Variants in CTNNA3 observed in about 807,000 individuals in gnomAD.
The protein encoded by CTNNA3 is catenin alpha 3.
A neutral mutation model predicts 95.7 loss-of-function variants in CTNNA3; 76 were observed. That is an observed-to-expected ratio of 0.79 (90% CI 0.66 to 0.96). CTNNA3 has a LOEUF of 0.96. Among genes scored for constraint, CTNNA3 ranks in the 40% least tolerant of loss-of-function variants. The pLI, the probability that CTNNA3 is intolerant of heterozygous loss-of-function variation, is 0.00. For missense variants in CTNNA3, 1,191 were observed against 1,089.8 expected, an observed-to-expected ratio of 1.09 and a Z score of -1.31; for synonymous variants, 431 against 374.4, an observed-to-expected ratio of 1.15 and a Z score of -1.74.
chr10:67,452,416 C>A (rs1431051969), intron 5 of CTNNA3, among the ~76,000 whole-genome samples: 1 of 152,030 alleles, frequency 6.6e-6, no homozygotes, highest in Non-Finnish European at 1.5e-5. Flanking sequence ...CCAATGGTAC[C>A]TAACATCTAA....
chr10:67,006,573 T>C (rs76881749), intron 7 of CTNNA3, among the ~76,000 whole-genome samples: 12,806 of 152,200 alleles, frequency 0.084, 765 homozygotes, highest in South Asian at 0.27. Flanking sequence ...CCTGCTAAAG[T>C]AGAAGTCTCA....
intron 9 of CTNNA3, among the ~76,000 whole-genome samples, chr10:66,645,549 T>A (rs948246099): frequency 6.6e-6 from 1 of 152,096 alleles, no homozygotes; most frequent in Non-Finnish European, 1.5e-5. Flanking sequence ...TATTTATGGG[T>A]CCCCTATTCC....
intron 5 of CTNNA3, among the ~76,000 whole-genome samples, chr10:67,495,030 A>T (rs893257371): frequency 1.3e-5 from 2 of 152,214 alleles, no homozygotes; most frequent in Non-Finnish European, 2.9e-5. Flanking sequence ...TTCATCATTG[A>T]TATGAAATTC....
rs2077019895 is a variant in CTNNA3, at chr10:65,917,362, C to T, written c.*2968G>A. On this transcript the variant is annotated 3_prime_UTR_variant, in exon 18 of 18. Coordinates refer to ENST00000433211, the MANE Select transcript of CTNNA3 (RefSeq NM_013266.4). ...TTTTACTTCAATAATTTTAATTTGT[C>T]ATAAATTAAAGGGAATGATTTCTAT... 6.6e-6 allele frequency: 1 copy of T among 151,826 alleles called. No individual in the cohort carries two copies. 9.4% of individuals were successfully genotyped at this position (151,826 alleles called of 1,614,324 possible).
At chr10:66,396,982 A>G (rs2092983180) in intron 11 of CTNNA3, among the ~76,000 whole-genome samples, 1 of 151,800 alleles carries the variant, frequency 6.6e-6, no homozygotes, top group African/African-American at 2.4e-5. Context: ...GATGCTTATG[A>G]CATAATTTTA....
At chr10:66,231,572 T>G (rs1346499142) in intron 13 of CTNNA3, among the ~76,000 whole-genome samples, 1 of 152,206 alleles carries the variant, frequency 6.6e-6, no homozygotes, top group Non-Finnish European at 1.5e-5. Flanking sequence ...TTTTCCCTCA[T>G]TATACACTAA....
intron 11 of CTNNA3, among the ~76,000 whole-genome samples, chr10:66,497,785 A>G (rs1479496822): frequency 1.3e-5 from 2 of 152,112 alleles, no homozygotes; most frequent in Non-Finnish European, 2.9e-5. Flanking sequence ...CAAATAAAAT[A>G]ATTCTCCACC....
At chr10:67,523,780 T>A (rs552903882) in intron 4 of CTNNA3, among the ~76,000 whole-genome samples, 45 of 152,326 alleles carry the variant, frequency 3.0e-4, no homozygotes, top group Admixed American at 2.4e-3. Flanking sequence ...CCTTTCAACA[T>A]AATTTTAATG....
intron 7 of CTNNA3, among the ~76,000 whole-genome samples, chr10:66,912,489 C>T (rs987773767): frequency 4.6e-5 from 7 of 151,838 alleles, no homozygotes; most frequent in Admixed American, 2.6e-4. Context: ...ACATTGGGCT[C>T]AGGAAAATTA....
chr10:66,480,472 G>T (rs574358166), intron 11 of CTNNA3, among the ~76,000 whole-genome samples: 2 of 151,822 alleles, frequency 1.3e-5, no homozygotes, highest in Non-Finnish European at 2.9e-5. Context: ...TATTTAACTA[G>T]TCATTTATTC....
At chr10:66,866,993 T>C (rs974757737) in intron 7 of CTNNA3, among the ~76,000 whole-genome samples, 4 of 152,128 alleles carry the variant, frequency 2.6e-5, no homozygotes, top group African/African-American at 9.7e-5. Context: ...GATGGTTTTA[T>C]AAGGGGTTTC....
chr10:66,591,391 G>A (rs1031565938), intron 10 of CTNNA3, among the ~76,000 whole-genome samples: 1 of 152,120 alleles, frequency 6.6e-6, no homozygotes, highest in African/African-American at 2.4e-5. Context: ...TGGTCTATCA[G>A]TGCAATTACA....
intron 11 of CTNNA3, among the ~76,000 whole-genome samples, chr10:66,513,849 C>A (rs12252822): frequency 0.032 from 4,812 of 152,174 alleles, 247 homozygotes; most frequent in African/African-American, 0.11. Context: ...GCAGGACTGC[C>A]TATTCCCTGG....
intron 5 of CTNNA3, among the ~76,000 whole-genome samples, chr10:67,328,672 G>A (rs942896614): frequency 4.6e-5 from 7 of 152,166 alleles, no homozygotes; most frequent in Non-Finnish European, 8.8e-5. Flanking sequence ...CCCATGTAGC[G>A]TTTCCAGCTT....
At chr10:66,347,979 A>G (rs1473275138) in intron 12 of CTNNA3, among the ~76,000 whole-genome samples, 2 of 152,116 alleles carry the variant, frequency 1.3e-5, no homozygotes, top group Non-Finnish European at 2.9e-5. Flanking sequence ...GCAATGATAT[A>G]TACCTCCAAA....
chr10:67,114,754 G>GGGAA (rs1469121675), intron 7 of CTNNA3, among the ~76,000 whole-genome samples: 2 of 150,210 alleles, frequency 1.3e-5, no homozygotes, highest in Non-Finnish European at 1.5e-5. Flanking sequence ...GTAGCATGTG[G>GGGAA]GGAAGGTGTC....
intron 7 of CTNNA3, among the ~76,000 whole-genome samples, chr10:66,923,465 CA>C (rs1170572792): frequency 1.3e-5 from 2 of 152,236 alleles, no homozygotes; most frequent in Non-Finnish European, 1.5e-5. Context: ...TTTCAAGCAA[CA>C]GAGGTGTGAG....
intron 14 of CTNNA3, among the ~76,000 whole-genome samples, chr10:66,093,674 A>C (rs539352511): frequency 1.3e-5 from 2 of 152,242 alleles, no homozygotes; most frequent in African/African-American, 2.4e-5. Flanking sequence ...ATTAATATTT[A>C]CACTAGCTGG....
At chr10:67,263,348 C>T (rs1866689532) in intron 5 of CTNNA3, among the ~76,000 whole-genome samples, 1 of 152,080 alleles carries the variant, frequency 6.6e-6, no homozygotes, top group South Asian at 2.1e-4. Flanking sequence ...AACAACTTTC[C>T]TGTATGTCTT....
Sources: allele counts gnomAD v4.1 joint callset (sites outside exome capture counted in the v4.1 genomes callset), GRCh38; gene constraint gnomAD v4.1.1; transcripts MANE v1.5; gene names NCBI Gene and HGNC (gene_info 2026-07-23, HGNC 2026-07-21).